SSH2: variants seen among roughly 807,000 people sequenced by gnomAD.
SSH2 encodes the protein protein phosphatase Slingshot homolog 2.
SSH2 carries 37 observed loss-of-function variants against 135.2 expected under a neutral mutation model. The ratio of observed to expected loss-of-function variants is 0.27; its 90% CI spans 0.21 to 0.36. SSH2 has a LOEUF of 0.36. Ranked by LOEUF, SSH2 falls within the 10% of genes least tolerant of loss-of-function variation. SSH2 has a pLI of 1.00. For synonymous variants in SSH2, 628 were observed against 646.2 expected, an observed-to-expected ratio of 0.97 and a Z score of 0.43; for missense variants, 1,408 against 1,765.3, an observed-to-expected ratio of 0.80 and a Z score of 3.63.
intron 6 of SSH2, among the ~76,000 whole-genome samples, chr17:29,683,054 T>C (rs547162488): frequency 6.6e-6 from 1 of 152,234 alleles, no homozygotes; most frequent in South Asian, 2.1e-4. Context: ...GACAAAGTGA[T>C]TTTTTCCCCT....
At chr17:29,747,905 A>G (rs1034117538) in intron 3 of SSH2, among the ~76,000 whole-genome samples, 2 of 152,226 alleles carry the variant, frequency 1.3e-5, no homozygotes, top group African/African-American at 4.8e-5. Flanking sequence ...TTGGAAACAG[A>G]GACTGACAAC....
At chr17:29,905,792 A>T (rs1223079856) in intron 1 of SSH2, among the ~76,000 whole-genome samples, 3 of 152,112 alleles carry the variant, frequency 2.0e-5, no homozygotes, top group Non-Finnish European at 2.9e-5. Context: ...AGGACTGCCC[A>T]TGGGCCAATC....
Position 29,631,491 on chromosome 17 carries a change from C to G in SSH2, c.3703G>C (p.Val1235Leu), listed in dbSNP as rs200135989. The stretch of plus-strand genomic sequence containing the variant: ...GAGCTATGTGGGAGTCGACAGGCTA[C>G]AGGCAATGGGTCCATTTTCTCCTGT... Reference protein sequence around the residue: ...ELQEKMDPLPVACRLPHSSSS... With the variant: ...ELQEKMDPLPLACRLPHSSSS... The change falls in exon 16 of 16, where the codon GTA (valine) becomes CTA (leucine). Residue 1235 changes from valine to leucine, a missense_variant. Physicochemically the swap from Val to Leu is conservative, Grantham distance 32. Coordinates refer to ENST00000540801, the MANE Select transcript of SSH2 (RefSeq NM_001282129.2). 3.6e-5 allele frequency: 58 copies of G among 1,614,188 alleles called. No homozygotes were observed. In the Middle Eastern group the frequency reaches 8.3e-4, roughly 23 times the overall value.
chr17:29,853,011 CAA>C (rs1300900497), intron 1 of SSH2, among the ~76,000 whole-genome samples: 2 of 151,018 alleles, frequency 1.3e-5, no homozygotes, highest in Non-Finnish European at 2.9e-5. Flanking sequence ...AAGCGTTTGA[CAA>C]AATAGTCATT....
At chr17:29,730,006 AAATTACTG>A (rs2040126001) in intron 3 of SSH2, among the ~76,000 whole-genome samples, 1 of 152,080 alleles carries the variant, frequency 6.6e-6, no homozygotes, top group Admixed American at 6.6e-5. Context: ...CAACAACAAT[AAATTACTG>A]TAAGTTTAAA....
intron 5 of SSH2, among the ~76,000 whole-genome samples, chr17:29,688,682 T>C (rs1284631456): frequency 6.6e-6 from 1 of 152,168 alleles, no homozygotes; most frequent in Non-Finnish European, 1.5e-5. Flanking sequence ...TCCAGACTGG[T>C]CAATTTTAAG....
intron 2 of SSH2, among the ~76,000 whole-genome samples, chr17:29,809,732 A>T (rs563508797): frequency 3.7e-4 from 56 of 151,808 alleles, no homozygotes; most frequent in African/African-American, 1.2e-3. Flanking sequence ...ATTAAAAAAA[A>T]TTTTTTTTAG....
At chr17:29,886,746 C>CAA (rs1194032622) in intron 1 of SSH2, among the ~76,000 whole-genome samples, 31 of 56,912 alleles carry the variant, frequency 5.4e-4, no homozygotes, top group Admixed American at 7.9e-4. Flanking sequence ...GACTCCATCT[C>CAA]AAAAAAAAAA....
At chr17:29,795,704 A>C (rs75897257) in intron 2 of SSH2, among the ~76,000 whole-genome samples, 37 of 152,306 alleles carry the variant, frequency 2.4e-4, no homozygotes, top group Non-Finnish European at 5.0e-4. Flanking sequence ...TGTTATTATT[A>C]ATAGATCTCA....
chr17:29,828,830 C>G (rs2042789297), intron 2 of SSH2, among the ~76,000 whole-genome samples: 1 of 152,170 alleles, frequency 6.6e-6, no homozygotes, highest in Non-Finnish European at 1.5e-5. Context: ...ACAGACATTT[C>G]CAAGCAACTA....
intron 3 of SSH2, among the ~76,000 whole-genome samples, chr17:29,705,456 G>A (rs1022045035): frequency 3.9e-5 from 6 of 151,900 alleles, no homozygotes; most frequent in Non-Finnish European, 7.4e-5. Flanking sequence ...CCCAGGTGCT[G>A]TATCAAAAAA....
intron 12 of SSH2, 71 bp downstream of exon 12, chr17:29,655,490 T>G: frequency 7.1e-7 from 1 of 1,401,608 alleles, no homozygotes; most frequent in Non-Finnish European, 1.0e-6. Flanking sequence ...GATACCTCTT[T>G]GATGGGAAAA....
At chr17:29,721,827 G>A (rs1043969121) in intron 3 of SSH2, among the ~76,000 whole-genome samples, 1 of 152,130 alleles carries the variant, frequency 6.6e-6, no homozygotes, top group Non-Finnish European at 1.5e-5. Context: ...AAAGGGAGAC[G>A]ACCAGTTACA....
In SSH2 at chr17:29,929,931, G is replaced by T; in HGVS notation, c.63+7C>A. ...AGCAAGCGGAGCGGCCGCCAGGAAG[G>T]ACTCACCGAGGCGCAGGGGCTGGAG... On this transcript the variant is annotated splice_region_variant and intron_variant, in intron 1 of 15. Transcript: ENST00000540801. 6.3e-7 allele frequency: 1 copy of T among 1,595,638 alleles called. No individual in the cohort carries two copies.
chr17:29,638,478 C>A (rs1320759957), intron 14 of SSH2, among the ~76,000 whole-genome samples: 3 of 149,314 alleles, frequency 2.0e-5, no homozygotes, highest in Non-Finnish European at 3.0e-5. Flanking sequence ...GGTAGAAATA[C>A]TTCTGGGGAA....
At position 29,632,814 on chromosome 17, in the gene SSH2, G is replaced by A; in HGVS notation, c.2380C>T (p.Gln794Ter). The change falls in exon 16 of 16, where the codon CAA (glutamine) becomes TAA (stop). Residue 794 changes from glutamine (Q) to a stop codon, truncating the protein, a stop_gained. Transcript: ENST00000540801. LOFTEE classifies it high-confidence loss of function. ...ESISQGVGQI[Q>*]LKGDILPNPC... The stretch of plus-strand genomic sequence containing the variant: ...TTGGGTAAGATGTCTCCTTTCAGTT[G>A]AATCTGCCCAACTCCTTGACTGATG... 1 of 1,614,120 alleles carries A rather than the reference G, an allele frequency of 6.2e-7. No individual in the cohort carries two copies. The highest frequency in any genetic ancestry group is 1.1e-5 in the South Asian group (1 of 91,080).
Position 29,631,320 on chromosome 17 carries a change from A to G in SSH2, c.3874T>C (p.Tyr1292His). ...AAGCAGTCTTTACAGAGGTCCAAGT[A>G]ACCTAATTTGGCGAGAGAAGCTGAG... ...RRSASLAKLG[Y>H]LDLCKDCLPE... The change falls in exon 16 of 16, where the codon TAC becomes CAC. Residue 1292 changes from tyrosine to histidine, a missense_variant. Physicochemically the swap from Tyr to His is moderately conservative, Grantham distance 83 (BLOSUM62 2). Transcript: ENST00000540801. 1.2e-6 allele frequency: 2 copies of G among 1,614,104 alleles called. No homozygotes were observed. Among genetic ancestry groups the G allele is most frequent in the Non-Finnish European group, 1.7e-6 (2 of 1,180,018 alleles).
intron 5 of SSH2, among the ~76,000 whole-genome samples, chr17:29,691,334 A>C (rs2151094012): frequency 6.6e-6 from 1 of 152,310 alleles, no homozygotes; most frequent in Non-Finnish European, 1.5e-5. Flanking sequence ...TAATGTTTTA[A>C]TTAAATGGTT....
At chr17:29,787,472 C>A (rs1006699458) in intron 3 of SSH2, 3 of 152,094 alleles carry the variant, frequency 2.0e-5, no homozygotes, top group Admixed American at 1.3e-4. Context: ...GCTTTCAATT[C>A]TTTTAGGTAT....
Sources: allele counts gnomAD v4.1 joint callset (sites outside exome capture counted in the v4.1 genomes callset), GRCh38; gene constraint gnomAD v4.1.1; transcripts MANE v1.5; gene names NCBI Gene and HGNC (gene_info 2026-07-23, HGNC 2026-07-21).